The following ZNF91 variants were observed in gnomAD, a reference collection of about 807,000 sequenced individuals.
ZNF91 encodes the protein zinc finger protein 91.
Under a neutral mutation model 12.6 loss-of-function variants are expected in ZNF91, and 7 were observed. The ratio of observed to expected loss-of-function variants is 0.55; its 90% CI spans 0.31 to 1.04. The LOEUF (loss-of-function observed/expected upper bound fraction) is 1.04. Ranked by LOEUF, ZNF91 falls within the 50% of genes least tolerant of loss-of-function variation. The probability of loss-of-function intolerance (pLI) is 0.05; values close to 1 mark genes in which losing one functional copy is unlikely to be tolerated. For synonymous variants in ZNF91, 453 were observed against 462.6 expected (o/e 0.98, Z 0.27); for missense variants, 1,217 against 1,385.4 (o/e 0.88, Z 1.93).
intron 1 of ZNF91, among the ~76,000 whole-genome samples, chr19:23,382,448 C>T (rs1969751681): frequency 6.6e-6 from 1 of 152,128 alleles, no homozygotes; most frequent in Admixed American, 6.5e-5. Context: ...TACAACATCC[C>T]ACAGGCACTA....
intron 1 of ZNF91, among the ~76,000 whole-genome samples, chr19:23,320,179 C>T (rs771629598): frequency 1.3e-5 from 2 of 152,192 alleles, no homozygotes; most frequent in Admixed American, 1.3e-4. Context: ...CATCTGGACA[C>T]TTATGGGATA....
At chr19:23,339,966 A>G (rs1968088851) in intron 3 of ZNF91, 1 of 151,318 alleles carries the variant, frequency 6.6e-6, no homozygotes, top group Non-Finnish European at 1.5e-5. Context: ...AAAAATTAAG[A>G]TGAAAATTAA....
At chr19:23,306,648 C>A (rs1203723260) in intron 3 of ZNF91, among the ~76,000 whole-genome samples, 1 of 152,174 alleles carries the variant, frequency 6.6e-6, no homozygotes, top group Non-Finnish European at 1.5e-5. Flanking sequence ...TGTGCCCTGG[C>A]CCTGCCTACA....
At chr19:23,349,712 C>G (rs1312632185) in intron 3 of ZNF91, among the ~76,000 whole-genome samples, 1 of 148,790 alleles carries the variant, frequency 6.7e-6, no homozygotes, top group Non-Finnish European at 1.5e-5. Flanking sequence ...AGTGAGAGTC[C>G]AAGGACTCCT....
intron 1 of ZNF91, chr19:23,329,181 C>T (rs1967886282): frequency 6.6e-6 from 1 of 152,044 alleles, no homozygotes; most frequent in Admixed American, 6.5e-5. Context: ...TGTAGATGAC[C>T]TGAGCTTTTG....
At chr19:23,363,572 C>T (rs1968893028) in intron 3 of ZNF91, among the ~76,000 whole-genome samples, 2 of 152,100 alleles carry the variant, frequency 1.3e-5, no homozygotes, top group Admixed American at 6.6e-5. Context: ...TCAAACTATG[C>T]CAGGACAAAA....
intron 1 of ZNF91, chr19:23,385,044 G>A: frequency 1.7e-6 from 2 of 1,188,852 alleles, no homozygotes; most frequent in Non-Finnish European, 2.5e-6. Context: ...ACACCTCATG[G>A]GGCTCCAGCG....
chr19:23,392,880 C>T (rs1970112484), intron 1 of ZNF91, among the ~76,000 whole-genome samples: 1 of 152,094 alleles, frequency 6.6e-6, no homozygotes, highest in African/African-American at 2.4e-5. Flanking sequence ...CCTCATGTGT[C>T]AAGTCAGGCC....
intron 1 of ZNF91, among the ~76,000 whole-genome samples, chr19:23,317,203 GC>G (rs1266969965): frequency 6.6e-6 from 1 of 152,090 alleles, no homozygotes; most frequent in Non-Finnish European, 1.5e-5. Flanking sequence ...CCGCCACCAT[GC>G]CTGGCTAACT....
intron 1 of ZNF91, among the ~76,000 whole-genome samples, chr19:23,323,284 C>T (rs1967750708): frequency 6.8e-6 from 1 of 146,306 alleles, no homozygotes; most frequent in African/African-American, 2.5e-5. Flanking sequence ...TTCTTCTCTC[C>T]TCCTCCCCTC....
chr19:23,350,897 G>A (rs295378), intron 3 of ZNF91, among the ~76,000 whole-genome samples: 15,775 of 152,058 alleles, frequency 0.1, 1,253 homozygotes, highest in East Asian at 0.37. Context: ...GCCTCAGCCC[G>A]CCTGCACCGA....
rs184357074 is a variant in ZNF91, at chr19:23,341,209, C to T, written c.254-2155G>A. 2.4e-4 allele frequency among the ~76,000 whole-genome samples: 37 copies of T among 152,190 alleles called. No individual in the cohort carries two copies. In the East Asian group the frequency reaches 7.0e-3, roughly 29 times the overall value. On this transcript the variant is annotated intron_variant, in intron 3 of 3. Coordinates refer to the ZNF91 transcript ENST00000599743. ...GGGGCTGCAGGCAAGTGCCACCACG[C>T]CTGGCTAACTTTTGTATTTTTAGTA...
chr19:23,395,465 G>A lies in ZNF91; in HGVS notation c.-111C>T. Reference sequence around the variant, plus strand: ...GAGACCTGGAAACTCCGGCGGCAGCGAGAGACAAAGGCCCAGCCACATCCC... The same window carrying A: ...GAGACCTGGAAACTCCGGCGGCAGCAAGAGACAAAGGCCCAGCCACATCCC... On this transcript the variant is annotated 5_prime_UTR_variant, in exon 1 of 4. Coordinates refer to ENST00000300619, the MANE Select transcript of ZNF91 (RefSeq NM_003430.4). 1 of 1,333,730 alleles carries A rather than the reference G, an allele frequency of 7.5e-7. No individual in the cohort carries two copies. The highest frequency in any genetic ancestry group is 1.0e-6 in the Non-Finnish European group (1 of 955,274). 82.6% of individuals were successfully genotyped at this position (1,333,730 alleles called of 1,614,324 possible). A position where few individuals can be genotyped will look rare whatever the true frequency, so the allele number is the denominator to read the frequency against.
chr19:23,370,575 C>T (rs1424757205), intron 3 of ZNF91, among the ~76,000 whole-genome samples: 3 of 152,162 alleles, frequency 2.0e-5, no homozygotes, highest in Non-Finnish European at 2.9e-5. Flanking sequence ...CATTATGGCT[C>T]ACTGCAGCCT....
chr19:23,380,014 T>C (rs12973830), intron 1 of ZNF91, among the ~76,000 whole-genome samples: 21,117 of 151,958 alleles, frequency 0.14, 1,982 homozygotes, highest in Non-Finnish European at 0.21. Context: ...CCCAGCACTT[T>C]AGGAGGTTGA....
At position 23,375,096 on chromosome 19, in the gene ZNF91, G is replaced by A. The variant is rs1028022433; in HGVS notation, c.31-332C>T. On this transcript the variant is annotated intron_variant, in intron 1 of 3. Coordinates refer to ENST00000300619, the MANE Select transcript of ZNF91 (RefSeq NM_003430.4). ...AATGACTTGTGTATTTTTTTCAGGTGAAAAAGGCATAGTTGTTATATATTT... is the reference window on the plus strand; with the variant it reads ...AATGACTTGTGTATTTTTTTCAGGTAAAAAAGGCATAGTTGTTATATATTT... Among the ~76,000 whole-genome samples, 4 of 151,642 alleles carry A rather than the reference G, an allele frequency of 2.6e-5. 1 individual carries two copies. Among genetic ancestry groups the A allele is most frequent in the African/African-American group, 9.7e-5 (4 of 41,308 alleles).
chr19:23,322,040 A>T (rs568043689), intron 1 of ZNF91, among the ~76,000 whole-genome samples: 1 of 151,912 alleles, frequency 6.6e-6, no homozygotes, highest in Admixed American at 6.5e-5. Flanking sequence ...AGGAGATGAC[A>T]CTCTCCTCTG....
intron 1 of ZNF91, among the ~76,000 whole-genome samples, chr19:23,323,152 TCTC>T (rs766253041): frequency 4.0e-4 from 55 of 138,626 alleles, no homozygotes; most frequent in Middle Eastern, 3.9e-3. Flanking sequence ...TTCCTTCGCC[TCTC>T]CTCCTCTCCA....
chr19:23,330,866 C>T (rs561672951), intron 1 of ZNF91, among the ~76,000 whole-genome samples: 15 of 152,242 alleles, frequency 9.9e-5, no homozygotes, highest in Admixed American at 8.5e-4. Flanking sequence ...GTGACCCAAG[C>T]GTATGCATGC....
Sources: gnomAD v4.1 joint callset for allele counts (sites outside exome capture counted in the v4.1 genomes callset) on GRCh38, gnomAD v4.1.1 for gene constraint, MANE v1.5 for transcripts, NCBI Gene and HGNC (gene_info 2026-07-23, HGNC 2026-07-21) for gene names.